GULP1: variants seen among roughly 807,000 people sequenced by gnomAD.
GULP1 encodes PTB domain-containing engulfment adapter protein 1.
A neutral mutation model predicts 40.9 loss-of-function variants in GULP1; 19 were observed. The observed-to-expected ratio is 0.46, with a 90% confidence interval of 0.32 to 0.68. The LOEUF is 0.68. Among genes scored for constraint, GULP1 ranks in the 30% least tolerant of loss-of-function variants. GULP1 has a pLI of 0.03. For synonymous variants in GULP1, 119 were observed against 117.6 expected (o/e 1.01, Z -0.08); for missense variants, 312 against 362.2 (o/e 0.86, Z 1.12).
intron 7 of GULP1, among the ~76,000 whole-genome samples, chr2:188,560,903 C>G (rs1696086113): frequency 6.6e-6 from 1 of 152,234 alleles, no homozygotes; most frequent in South Asian, 2.1e-4. Flanking sequence ...CAGCACCAAA[C>G]AGATGGTGCT....
chr2:188,548,827 G>GGTTTTGTTTTGTTTTGTTTTGTTTT (rs146982832), intron 7 of GULP1, among the ~76,000 whole-genome samples: 8 of 149,578 alleles, frequency 5.3e-5, no homozygotes, highest in Non-Finnish European at 7.4e-5. Flanking sequence ...GGGGAAAGAA[G>GGTTTTGTTTTGTTTTGTTTTGTTTT]GTTTTGTTTT....
chr2:188,541,118 G>A (rs991367024), intron 6 of GULP1, 63 bp from the exon 7 acceptor site: 7 of 1,373,674 alleles, frequency 5.1e-6, no homozygotes, highest in South Asian at 1.3e-5. Flanking sequence ...TAACACAAAC[G>A]AGTATTTCAG....
chr2:188,509,079 A>T (rs1332989879), intron 4 of GULP1, among the ~76,000 whole-genome samples: 2 of 151,986 alleles, frequency 1.3e-5, no homozygotes, highest in African/African-American at 4.8e-5. Context: ...GTCCACAGGG[A>T]TCTTTAACTT....
In GULP1 at chr2:188,314,118, T is replaced by C. The variant is rs576931931; in HGVS notation, c.-172+21952T>C. 6.6e-5 allele frequency among the ~76,000 whole-genome samples: 10 copies of C among 152,120 alleles called. No individual in the cohort carries two copies. In the East Asian group the frequency reaches 1.9e-3, roughly 29 times the overall value. On this transcript the variant is annotated intron_variant, in intron 1 of 11. Coordinates refer to ENST00000409830, the MANE Select transcript of GULP1 (RefSeq NM_016315.4). ...TAGAGTCGTTTTTAGTCATTTTTAG[T>C]TGTGGATTCTTTTGAATTTTCTATA...
At chr2:188,515,372 G>C (rs2065063762) in intron 4 of GULP1, among the ~76,000 whole-genome samples, 1 of 152,044 alleles carries the variant, frequency 6.6e-6, no homozygotes, top group African/African-American at 2.4e-5. Context: ...CAATCTCTCA[G>C]CCTTTCATTG....
intron 4 of GULP1, among the ~76,000 whole-genome samples, chr2:188,502,472 A>G (rs191584134): frequency 1.9e-3 from 282 of 152,050 alleles, no homozygotes; most frequent in Non-Finnish European, 3.2e-3. Context: ...TAATTTATGT[A>G]GTAATACCCA....
chr2:188,516,078 T>C (rs1250622354), intron 4 of GULP1, among the ~76,000 whole-genome samples: 1 of 152,230 alleles, frequency 6.6e-6, no homozygotes, highest in Non-Finnish European at 1.5e-5. Context: ...GTTGTACTGC[T>C]GTGCTTTTAT....
Position 188,595,350 on chromosome 2 carries a change from A to G in GULP1, c.*1339A>G, listed in dbSNP as rs1341168770. 1 of 151,972 alleles carries G rather than the reference A, an allele frequency of 6.6e-6. No homozygotes were observed. The highest frequency in any genetic ancestry group is 1.5e-5 in the Non-Finnish European group (1 of 67,724). The allele number at this position is 151,972 out of a possible 1,614,324, so 9.4% of individuals were successfully genotyped here. A position where few individuals can be genotyped will look rare whatever the true frequency, so the allele number is the denominator to read the frequency against. ...AATAGATTTATCATTTACTCATTGG[A>G]ATTTTCTTCAAGTGTTAAAGGTACA... On this transcript the variant is annotated 3_prime_UTR_variant, in exon 12 of 12. Coordinates refer to ENST00000409830, the MANE Select transcript of GULP1 (RefSeq NM_016315.4).
intron 9 of GULP1, among the ~76,000 whole-genome samples, chr2:188,573,840 C>T (rs1699629017): frequency 6.6e-6 from 1 of 152,188 alleles, no homozygotes; most frequent in Non-Finnish European, 1.5e-5. Flanking sequence ...AATTTAGCAT[C>T]TGATGAGTTT....
intron 2 of GULP1, among the ~76,000 whole-genome samples, chr2:188,453,375 G>C (rs1368131291): frequency 6.6e-6 from 1 of 151,926 alleles, no homozygotes; most frequent in Non-Finnish European, 1.5e-5. Flanking sequence ...TATTATTCTA[G>C]ATCTTTTGCC....
At chr2:188,443,548 G>A (rs1005479189) in intron 2 of GULP1, among the ~76,000 whole-genome samples, 2 of 152,038 alleles carry the variant, frequency 1.3e-5, no homozygotes, top group Non-Finnish European at 2.9e-5. Context: ...TTAAAATGGA[G>A]TTTCACTCAT....
At chr2:188,422,581 ACT>A (rs2055596803) in intron 2 of GULP1, among the ~76,000 whole-genome samples, 1 of 151,970 alleles carries the variant, frequency 6.6e-6, no homozygotes, top group African/African-American at 2.4e-5. Flanking sequence ...AAATTATGAA[ACT>A]CTGATATGTT....
chr2:188,552,544 C>A (rs554015070), intron 7 of GULP1, among the ~76,000 whole-genome samples: 1 of 151,616 alleles, frequency 6.6e-6, no homozygotes, highest in Non-Finnish European at 1.5e-5. Flanking sequence ...TACCATACTG[C>A]TTTGGTTACT....
At chr2:188,373,215 A>G (rs1364763790) in intron 1 of GULP1, among the ~76,000 whole-genome samples, 1 of 151,916 alleles carries the variant, frequency 6.6e-6, no homozygotes, top group Non-Finnish European at 1.5e-5. Context: ...GGAATCAAGT[A>G]CCTTCAGTAC....
chr2:188,345,878 C>T (rs1338306169), intron 1 of GULP1, among the ~76,000 whole-genome samples: 1 of 152,072 alleles, frequency 6.6e-6, no homozygotes, highest in Non-Finnish European at 1.5e-5. Flanking sequence ...AACAATAACC[C>T]CTAATATTTC....
At chr2:188,522,533 A>T (rs772081831) in intron 4 of GULP1, among the ~76,000 whole-genome samples, 4 of 151,286 alleles carry the variant, frequency 2.6e-5, no homozygotes, top group South Asian at 2.1e-4. Context: ...TTAGAAAACA[A>T]GTATGTTTTT....
chr2:188,586,575 C>A (rs1019294112), intron 10 of GULP1, among the ~76,000 whole-genome samples: 1 of 152,068 alleles, frequency 6.6e-6, no homozygotes, highest in African/African-American at 2.4e-5. Context: ...ACAATAAATT[C>A]CCATTTGATT....
At chr2:188,581,310 G>A (rs1701269230) in intron 9 of GULP1, among the ~76,000 whole-genome samples, 1 of 152,108 alleles carries the variant, frequency 6.6e-6, no homozygotes, top group African/African-American at 2.4e-5. Context: ...CTTTTGTTCA[G>A]GAGTCCCTAA....
At chr2:188,592,166 G>A (rs1467728210) in intron 11 of GULP1, 1 of 151,854 alleles carries the variant, frequency 6.6e-6, no homozygotes, top group Admixed American at 6.6e-5. Context: ...ATAACACATT[G>A]ACAAATAGTA....
Sources: allele counts gnomAD v4.1 joint callset (sites outside exome capture counted in the v4.1 genomes callset), GRCh38; gene constraint gnomAD v4.1.1; transcripts MANE v1.5; gene names NCBI Gene and HGNC (gene_info 2026-07-23, HGNC 2026-07-21).